Variants in CTNNA2 observed in about 807,000 individuals in gnomAD.
The protein encoded by CTNNA2 is catenin alpha 2, also known as catenin alpha-2.
A neutral mutation model predicts 101.0 loss-of-function variants in CTNNA2; 42 were observed. The ratio of observed to expected loss-of-function variants is 0.42; its 90% confidence interval spans 0.32 to 0.54. The LOEUF (loss-of-function observed/expected upper bound fraction) is 0.54. Ranked by LOEUF, CTNNA2 falls within the 20% of genes least tolerant of loss-of-function variation. The probability of loss-of-function intolerance (pLI) is 0.14; values close to 1 mark genes in which losing one functional copy is unlikely to be tolerated. For synonymous variants in CTNNA2, 450 were observed against 456.4 expected (o/e 0.99, Z 0.18); for missense variants, 871 against 1,223.1 (o/e 0.71, Z 4.29).
At chr2:80,115,772 A>G (rs1444037919) in intron 7 of CTNNA2, among the ~76,000 whole-genome samples, 1 of 152,176 alleles carries the variant, frequency 6.6e-6, no homozygotes, top group African/African-American at 2.4e-5. Context: ...GGGAATGGAA[A>G]ATAGTTCTAG....
At chr2:80,161,203 A>T (rs1384857516) in intron 7 of CTNNA2, among the ~76,000 whole-genome samples, 1 of 152,156 alleles carries the variant, frequency 6.6e-6, no homozygotes, top group African/African-American at 2.4e-5. Flanking sequence ...TTTAGTAGAG[A>T]CAGGGTTTCA....
At chr2:80,540,045 T>C in intron 9 of CTNNA2, among the ~76,000 whole-genome samples, 1 of 152,162 alleles carries the variant, frequency 6.6e-6, no homozygotes, top group Admixed American at 6.5e-5. Context: ...CAGATTTAAT[T>C]GTATTGTTCA....
At chr2:80,187,816 A>G (rs956105856) in intron 7 of CTNNA2, among the ~76,000 whole-genome samples, 20 of 151,278 alleles carry the variant, frequency 1.3e-4, no homozygotes, top group African/African-American at 4.6e-4. Flanking sequence ...AAATTTAAAC[A>G]CTAAAAAAAA....
At chr2:79,841,514 A>T (rs1390429677) in intron 3 of CTNNA2, among the ~76,000 whole-genome samples, 1 of 152,050 alleles carries the variant, frequency 6.6e-6, no homozygotes, top group Non-Finnish European at 1.5e-5. Context: ...TGATTAATGA[A>T]AATCTGTCAT....
At chr2:79,622,785 A>G (rs62140096) in intron 1 of CTNNA2, among the ~76,000 whole-genome samples, 23,240 of 152,128 alleles carry the variant, frequency 0.15, 3,209 homozygotes, top group African/African-American at 0.38. Flanking sequence ...GAGCGGCAGG[A>G]TGGAGTAAAG....
intron 1 of CTNNA2, among the ~76,000 whole-genome samples, chr2:79,607,669 C>T (rs977866961): frequency 2.0e-5 from 3 of 151,938 alleles, no homozygotes; most frequent in Admixed American, 6.6e-5. Flanking sequence ...TGTAAATATC[C>T]GTGTGCCAAA....
At chr2:80,372,410 G>A (rs1006551640) in intron 7 of CTNNA2, among the ~76,000 whole-genome samples, 1 of 143,174 alleles carries the variant, frequency 7.0e-6, no homozygotes, top group Non-Finnish European at 1.5e-5. Context: ...TAGCCCTCAT[G>A]TAGCAAAGGT....
chr2:80,102,068 A>ATG (rs1700580659), intron 7 of CTNNA2, among the ~76,000 whole-genome samples: 1 of 152,126 alleles, frequency 6.6e-6, no homozygotes, highest in Non-Finnish European at 1.5e-5. Context: ...CACAGGCACC[A>ATG]TGTGTGTGTG....
chr2:80,636,618 A>C (rs904657586), intron 18 of CTNNA2, among the ~76,000 whole-genome samples: 1 of 152,140 alleles, frequency 6.6e-6, no homozygotes. Flanking sequence ...GATATTTATA[A>C]ATGATATTCT....
intron 3 of CTNNA2, among the ~76,000 whole-genome samples, chr2:79,355,001 A>C (rs79511741): frequency 0.015 from 2,262 of 152,032 alleles, 18 homozygotes; most frequent in Non-Finnish European, 0.024. Flanking sequence ...ATCTGTCTCT[A>C]TTAGTTATAT....
At chr2:79,674,337 C>G (rs572797131) in intron 2 of CTNNA2, among the ~76,000 whole-genome samples, 117 of 152,280 alleles carry the variant, frequency 7.7e-4, no homozygotes, top group African/African-American at 2.7e-3. Flanking sequence ...GATAAACAGA[C>G]TGTGTTACAG....
intron 7 of CTNNA2, among the ~76,000 whole-genome samples, chr2:80,113,496 G>A (rs1268078328): frequency 6.6e-6 from 1 of 152,204 alleles, no homozygotes; most frequent in African/African-American, 2.4e-5. Flanking sequence ...TCCGGATCAG[G>A]AATCAGCAAG....
At chr2:79,962,273 T>C (rs1689693572) in intron 7 of CTNNA2, among the ~76,000 whole-genome samples, 1 of 152,248 alleles carries the variant, frequency 6.6e-6, no homozygotes, top group Admixed American at 6.5e-5. Flanking sequence ...CTGTTCCTCA[T>C]AGATAGTGCC....
At chr2:79,514,118 C>T (rs1671679497) in intron 1 of CTNNA2, among the ~76,000 whole-genome samples, 1 of 152,132 alleles carries the variant, frequency 6.6e-6, no homozygotes, top group South Asian at 2.1e-4. Flanking sequence ...TGCCTGTGCA[C>T]CACAGCATTA....
At chr2:80,188,644 T>C (rs1706278778) in intron 7 of CTNNA2, among the ~76,000 whole-genome samples, 1 of 152,180 alleles carries the variant, frequency 6.6e-6, no homozygotes, top group African/African-American at 2.4e-5. Flanking sequence ...CCTTTCCATC[T>C]TCAAAGCCTG....
intron 4 of CTNNA2, among the ~76,000 whole-genome samples, chr2:79,470,792 C>G (rs2104546587): frequency 6.6e-6 from 1 of 152,288 alleles, no homozygotes; most frequent in Non-Finnish European, 1.5e-5. Context: ...ATGTGGAACA[C>G]TGTTTGTATA....
At chr2:80,395,087 A>C (rs1347389685) in intron 8 of CTNNA2, among the ~76,000 whole-genome samples, 1 of 152,122 alleles carries the variant, frequency 6.6e-6, no homozygotes, top group African/African-American at 2.4e-5. Context: ...TTTTACTCTT[A>C]TGTTACAATT....
At chr2:80,542,731 A>G (rs1691681577) in intron 9 of CTNNA2, among the ~76,000 whole-genome samples, 1 of 152,174 alleles carries the variant, frequency 6.6e-6, no homozygotes, top group Non-Finnish European at 1.5e-5. Flanking sequence ...GGTACGGGGC[A>G]AAAACAGCCA....
intron 2 of CTNNA2, among the ~76,000 whole-genome samples, chr2:79,212,943 A>T (rs1175063591): frequency 6.6e-6 from 1 of 152,200 alleles, no homozygotes; most frequent in East Asian, 1.9e-4. Flanking sequence ...GATTTCCATG[A>T]TGCAAAGGAA....
Sources: allele counts gnomAD v4.1 joint callset (sites outside exome capture counted in the v4.1 genomes callset), GRCh38; gene constraint gnomAD v4.1.1; transcripts MANE v1.5; gene names NCBI Gene and HGNC (gene_info 2026-07-23, HGNC 2026-07-21).